RIMS2: variants seen among roughly 807,000 people sequenced by gnomAD.
RIMS2 encodes the protein regulating synaptic membrane exocytosis protein 2.
Under a neutral mutation model 174.4 loss-of-function variants are expected in RIMS2, and 59 were observed. That is an observed-to-expected ratio of 0.34 (90% CI 0.27 to 0.42). RIMS2 has a LOEUF of 0.42. Ranked by LOEUF, RIMS2 falls within the 10% of genes least tolerant of loss-of-function variation. RIMS2 has a pLI of 1.00. For synonymous variants in RIMS2, 606 were observed against 572.5 expected, an observed-to-expected ratio of 1.06 and a Z score of -0.84; for missense variants, 1,620 against 1,666.3, an observed-to-expected ratio of 0.97 and a Z score of 0.48.
chr8:104,183,954 T>TTA (rs2098954522), intron 19 of RIMS2, among the ~76,000 whole-genome samples: 1 of 151,534 alleles, frequency 6.6e-6, no homozygotes, highest in Non-Finnish European at 1.5e-5. Flanking sequence ...AATAGCAGCT[T>TTA]TAGATTATGG....
At chr8:104,232,974 GAA>G (rs34214492) in intron 19 of RIMS2, among the ~76,000 whole-genome samples, 5 of 149,842 alleles carry the variant, frequency 3.3e-5, no homozygotes, top group African/African-American at 4.9e-5. Flanking sequence ...CCAGTGGTAA[GAA>G]AAAAAAAACT....
chr8:104,004,823 A>G (rs928281936), intron 17 of RIMS2, among the ~76,000 whole-genome samples: 1 of 152,174 alleles, frequency 6.6e-6, no homozygotes, highest in African/African-American at 2.4e-5. Flanking sequence ...CCACTGAGAC[A>G]GGAAGAAAAT....
At chr8:103,920,411 C>A (rs889639066) in intron 9 of RIMS2, among the ~76,000 whole-genome samples, 11 of 151,784 alleles carry the variant, frequency 7.2e-5, no homozygotes, top group East Asian at 5.8e-4. Context: ...ACAACAACAA[C>A]AAAAAAAACC....
chr8:104,041,563 T>C (rs2096609510), intron 19 of RIMS2, among the ~76,000 whole-genome samples: 1 of 151,642 alleles, frequency 6.6e-6, no homozygotes, highest in South Asian at 2.1e-4. Flanking sequence ...AGTAAAATAA[T>C]TAATTTTTAT....
intron 13 of RIMS2, among the ~76,000 whole-genome samples, chr8:103,941,744 T>C (rs904737539): frequency 2.6e-5 from 4 of 152,208 alleles, no homozygotes; most frequent in African/African-American, 9.6e-5. Context: ...TTTTTTCTTT[T>C]CTTGTTTTAA....
chr8:103,938,195 C>T (rs989218432), intron 13 of RIMS2, among the ~76,000 whole-genome samples: 1 of 152,160 alleles, frequency 6.6e-6, no homozygotes, highest in African/African-American at 2.4e-5. Context: ...TACTCACTTT[C>T]AGCTTTTTTC....
At chr8:104,236,617 A>G (rs889559943) in intron 19 of RIMS2, among the ~76,000 whole-genome samples, 1 of 152,106 alleles carries the variant, frequency 6.6e-6, no homozygotes, top group African/African-American at 2.4e-5. Context: ...TTCAATTTAT[A>G]TAGTTTTTAC....
intron 1 of RIMS2, among the ~76,000 whole-genome samples, chr8:103,530,384 T>C (rs1836445361): frequency 6.6e-6 from 1 of 152,074 alleles, no homozygotes; most frequent in Non-Finnish European, 1.5e-5. Context: ...TAGCAAGTAG[T>C]AAAACAGTAG....
chr8:103,594,330 AG>A (rs368105140), intron 1 of RIMS2, among the ~76,000 whole-genome samples: 137 of 151,794 alleles, frequency 9.0e-4, no homozygotes, highest in African/African-American at 3.2e-3. Context: ...TCTCAAGACA[AG>A]ATGTTCCTTA....
chr8:103,715,173 T>G (rs760748306), intron 2 of RIMS2, among the ~76,000 whole-genome samples: 1 of 152,232 alleles, frequency 6.6e-6, no homozygotes, highest in African/African-American at 2.4e-5. Context: ...TTAATTTTAT[T>G]GTAAGTTTCA....
intron 3 of RIMS2, among the ~76,000 whole-genome samples, chr8:103,874,517 A>G (rs2099126400): frequency 6.6e-6 from 1 of 152,060 alleles, no homozygotes; most frequent in African/African-American, 2.4e-5. Flanking sequence ...CCTAAAAGTC[A>G]CCTACTTTTA....
chr8:103,933,154 G>C (rs376469805), intron 12 of RIMS2, among the ~76,000 whole-genome samples: 1 of 152,122 alleles, frequency 6.6e-6, no homozygotes, highest in Non-Finnish European at 1.5e-5. Context: ...TTAGCCAGGC[G>C]TGGTGGCAGG....
Position 103,808,938 on chromosome 8 carries a change from C to A in RIMS2, c.698+42401C>A, listed in dbSNP as rs140022732. Among the ~76,000 whole-genome samples, 738 of 152,220 alleles carry A rather than the reference C, an allele frequency of 4.8e-3. 6 individuals are homozygous for A. The highest frequency in any genetic ancestry group is 0.017 in the African/African-American group (713 of 41,532). On this transcript the variant is annotated intron_variant, in intron 3 of 23. Transcript: ENST00000504942. ...ATGTGTTTCTTGTTAACTCCTGAAT[C>A]TTCTCCATTCTGACTGCTAGGACTT...
At chr8:103,742,604 A>G (rs1372890476) in intron 2 of RIMS2, among the ~76,000 whole-genome samples, 2 of 152,130 alleles carry the variant, frequency 1.3e-5, no homozygotes, top group African/African-American at 4.8e-5. Flanking sequence ...TTTAGTAGTG[A>G]GCAATATTAA....
intron 2 of RIMS2, among the ~76,000 whole-genome samples, chr8:103,723,611 T>C (rs943142378): frequency 2.0e-5 from 3 of 152,102 alleles, no homozygotes; most frequent in African/African-American, 7.2e-5. Flanking sequence ...ACTGGGTGGA[T>C]CTAGAGCCTG....
intron 1 of RIMS2, among the ~76,000 whole-genome samples, chr8:103,512,947 T>G (rs79139767): frequency 6.6e-6 from 1 of 151,514 alleles, no homozygotes; most frequent in Non-Finnish European, 1.5e-5. Flanking sequence ...CAGCAGGAAA[T>G]TTTTTTTTGA....
chr8:104,160,138 CAA>C (rs11418172), intron 19 of RIMS2, among the ~76,000 whole-genome samples: 1 of 139,838 alleles, frequency 7.2e-6, no homozygotes. Flanking sequence ...GACTCCATCT[CAA>C]AAAAAAAAAG....
At chr8:104,039,605 T>C (rs2096574983) in intron 19 of RIMS2, among the ~76,000 whole-genome samples, 1 of 151,764 alleles carries the variant, frequency 6.6e-6, no homozygotes, top group South Asian at 2.1e-4. Context: ...CATTATTTCA[T>C]CCACTTCATA....
chr8:104,230,516 G>A (rs555383209), intron 19 of RIMS2, among the ~76,000 whole-genome samples: 1 of 149,478 alleles, frequency 6.7e-6, no homozygotes, highest in Admixed American at 6.7e-5. Flanking sequence ...CATGTTGTCA[G>A]GCTCCTGTAA....
Sources: allele counts gnomAD v4.1 joint callset (sites outside exome capture counted in the v4.1 genomes callset), GRCh38; gene constraint gnomAD v4.1.1; transcripts MANE v1.5; gene names NCBI Gene and HGNC (gene_info 2026-07-23, HGNC 2026-07-21).